SYNPR: variants seen among roughly 807,000 people sequenced by gnomAD.
SYNPR encodes synaptoporin.
SYNPR carries 23 observed loss-of-function variants against 32.9 expected under a neutral mutation model. That is an observed-to-expected ratio of 0.70 (90% CI 0.50 to 0.99). The LOEUF (loss-of-function observed/expected upper bound fraction) is 0.99, where lower values mean the gene tolerates loss of function less well. Among genes scored for constraint, SYNPR ranks in the 50% least tolerant of loss-of-function variants. SYNPR has a pLI of 0.00. For missense variants in SYNPR, 318 were observed against 349.3 expected, an observed-to-expected ratio of 0.91 and a Z score of 0.71; for synonymous variants, 146 against 135.9, an observed-to-expected ratio of 1.07 and a Z score of -0.52.
At chr3:63,596,164 C>T (rs1004852243) in intron 4 of SYNPR, among the ~76,000 whole-genome samples, 1 of 151,000 alleles carries the variant, frequency 6.6e-6, no homozygotes, top group Non-Finnish European at 1.5e-5. Context: ...TTCCTGCTCT[C>T]AGACACTGCC....
intron 3 of SYNPR, among the ~76,000 whole-genome samples, chr3:63,524,838 T>TGC: frequency 7.4e-6 from 1 of 134,516 alleles, no homozygotes; most frequent in South Asian, 2.3e-4. Flanking sequence ...TGTGTGTGTG[T>TGC]GTGTGTGTGT....
At chr3:63,207,067 C>A in the SYNPR span, among the ~76,000 whole-genome samples, 2 of 152,152 alleles carry the variant, frequency 1.3e-5, no homozygotes, top group African/African-American at 4.8e-5. Context: ...TGTTTCAGGT[C>A]CTATTGGCAA....
chr3:63,531,730 T>A (rs572429809), intron 3 of SYNPR, among the ~76,000 whole-genome samples: 2 of 152,268 alleles, frequency 1.3e-5, no homozygotes, highest in Admixed American at 6.5e-5. Context: ...CTCTGCCCAG[T>A]GAGCCCTGGG....
chr3:63,598,179 G>C (rs1394309762), intron 4 of SYNPR, among the ~76,000 whole-genome samples: 1 of 152,168 alleles, frequency 6.6e-6, no homozygotes, highest in African/African-American at 2.4e-5. Flanking sequence ...GGTAGAAATT[G>C]AATATTTGTT....
chr3:63,574,964 T>C (rs1233398486), intron 4 of SYNPR, among the ~76,000 whole-genome samples: 2 of 152,064 alleles, frequency 1.3e-5, no homozygotes, highest in Non-Finnish European at 2.9e-5. Context: ...TTTCAAATAA[T>C]TAAGTCAGGG....
intron 2 of SYNPR, among the ~76,000 whole-genome samples, chr3:63,410,701 A>C (rs553345637): frequency 3.3e-4 from 51 of 152,292 alleles, no homozygotes; most frequent in Admixed American, 1.2e-3. Flanking sequence ...CAGCTAGAAC[A>C]TATGCATGTG....
chr3:63,260,394 C>A (rs1370755804), intron 2 of SYNPR, among the ~76,000 whole-genome samples: 1 of 152,110 alleles, frequency 6.6e-6, no homozygotes, highest in Non-Finnish European at 1.5e-5. Context: ...TGGAACAGAA[C>A]AGAGCCCCCA....
intron 1 of SYNPR, among the ~76,000 whole-genome samples, chr3:63,242,946 T>A (rs780523414): frequency 1.3e-5 from 2 of 151,944 alleles, no homozygotes; most frequent in Non-Finnish European, 2.9e-5. Flanking sequence ...AAAGAAAAGA[T>A]CAGCTAACTG....
chr3:63,580,007 C>G (rs933869069), intron 4 of SYNPR, among the ~76,000 whole-genome samples: 5 of 151,954 alleles, frequency 3.3e-5, no homozygotes, highest in African/African-American at 1.2e-4. Context: ...TTATAAATAG[C>G]CATTATATGA....
intron 3 of SYNPR, among the ~76,000 whole-genome samples, chr3:63,487,711 A>C: frequency 6.6e-6 from 1 of 152,216 alleles, no homozygotes; most frequent in East Asian, 1.9e-4. Context: ...ATGTATTAAG[A>C]CTTTTTAAAA....
At chr3:63,287,504 A>T (rs572045507) in intron 2 of SYNPR, among the ~76,000 whole-genome samples, 1 of 152,196 alleles carries the variant, frequency 6.6e-6, no homozygotes, top group African/African-American at 2.4e-5. Flanking sequence ...GCAGTGTGAG[A>T]GCAGGGATCT....
At chr3:63,460,014 C>A (rs1488916649) in intron 2 of SYNPR, among the ~76,000 whole-genome samples, 1 of 152,232 alleles carries the variant, frequency 6.6e-6, no homozygotes. Flanking sequence ...CAGATGACTG[C>A]AACATCCCAT....
At chr3:63,561,368 C>G (rs942968232) in intron 4 of SYNPR, 1 of 152,020 alleles carries the variant, frequency 6.6e-6, no homozygotes, top group East Asian at 1.9e-4. Flanking sequence ...GAGCAGTTAC[C>G]AACTCTCTCT....
intron 2 of SYNPR, among the ~76,000 whole-genome samples, chr3:63,475,007 TTCTA>T (rs1169040834): frequency 6.6e-6 from 1 of 152,154 alleles, no homozygotes; most frequent in Non-Finnish European, 1.5e-5. Context: ...CCGTGTGTGG[TTCTA>T]TTAGCACACA....
At chr3:63,204,640 C>G in the SYNPR span, among the ~76,000 whole-genome samples, 5 of 152,132 alleles carry the variant, frequency 3.3e-5, no homozygotes, top group Non-Finnish European at 5.9e-5. Flanking sequence ...AGATTCTTCG[C>G]TACCACAGCC....
chr3:63,577,959 G>C (rs1381101549), intron 4 of SYNPR, among the ~76,000 whole-genome samples: 1 of 152,172 alleles, frequency 6.6e-6, no homozygotes, highest in Non-Finnish European at 1.5e-5. Context: ...AATGGCAACA[G>C]ATTAGAGAGA....
chr3:63,439,668 C>G (rs6769965), intron 2 of SYNPR, among the ~76,000 whole-genome samples: 2,465 of 152,288 alleles, frequency 0.016, 60 homozygotes, highest in African/African-American at 0.048. Flanking sequence ...CTTTTACATG[C>G]CTTCCAATTA....
intron 4 of SYNPR, among the ~76,000 whole-genome samples, chr3:63,605,494 C>T (rs1292261905): frequency 1.3e-5 from 2 of 152,192 alleles, no homozygotes; most frequent in Non-Finnish European, 2.9e-5. Context: ...CCTCTTACAG[C>T]CATTCATTTC....
chr3:63,231,441 A>T (rs1455277350), intron 1 of SYNPR, among the ~76,000 whole-genome samples: 1 of 152,180 alleles, frequency 6.6e-6, no homozygotes, highest in Non-Finnish European at 1.5e-5. Context: ...ACTCATCTGT[A>T]CACCAAAAAC....
Sources: gnomAD v4.1 joint callset for allele counts (sites outside exome capture counted in the v4.1 genomes callset) on GRCh38, gnomAD v4.1.1 for gene constraint, MANE v1.5 for transcripts, NCBI Gene and HGNC (gene_info 2026-07-23, HGNC 2026-07-21) for gene names.